The following BAHCC1 variants were observed in gnomAD, a reference collection of about 807,000 sequenced individuals.
The protein encoded by BAHCC1 is BAH domain and coiled-coil containing 1.
In BAHCC1, 43 loss-of-function variants were observed where a neutral mutation model predicts 88.2. The ratio of observed to expected loss-of-function variants is 0.49; its 90% CI spans 0.38 to 0.63. BAHCC1 has a LOEUF of 0.63. BAHCC1 is among the 20% of genes least tolerant of loss of function. The probability of loss-of-function intolerance (pLI) is 0.00; values close to 1 mark genes in which losing one functional copy is unlikely to be tolerated. For synonymous variants in BAHCC1, 1,510 were observed against 745.5 expected, an observed-to-expected ratio of 2.03 and a Z score of -16.71; for missense variants, 3,023 against 1,654.8, an observed-to-expected ratio of 1.83 and a Z score of -14.34.
chr17:81,395,724 T>C (rs2063740114), intron 1 of BAHCC1, 89 bp downstream of exon 1: 1 of 151,964 alleles, frequency 6.6e-6, no homozygotes, highest in Non-Finnish European at 1.5e-5. Flanking sequence ...GGTTTTACAT[T>C]TTTTTTAGCA....
chr17:81,446,574 T>G (rs1555654402), intron 10 of BAHCC1, among the ~76,000 whole-genome samples: 3 of 114,530 alleles, frequency 2.6e-5, no homozygotes, highest in East Asian at 3.0e-4. Flanking sequence ...TGAGACAGGG[T>G]ATCTCCCTAT....
At chr17:81,454,883 C>A (rs2064718202) in intron 14 of BAHCC1, among the ~76,000 whole-genome samples, 1 of 152,218 alleles carries the variant, frequency 6.6e-6, no homozygotes, top group African/African-American at 2.4e-5. Context: ...CAGCCCCCGA[C>A]ACCTGGCCTC....
chr17:81,398,830 A>G, intron 1 of BAHCC1, among the ~76,000 whole-genome samples: 1 of 150,284 alleles, frequency 6.7e-6, no homozygotes, highest in African/African-American at 2.5e-5. Context: ...TGGGGACAGG[A>G]GCTGGTCCCG....
intron 2 of BAHCC1, among the ~76,000 whole-genome samples, chr17:81,426,142 A>T (rs1486846258): frequency 1.5e-5 from 1 of 68,710 alleles, no homozygotes; most frequent in South Asian, 5.0e-4. Flanking sequence ...TGGTGGTGAT[A>T]GTGGTGGGTG....
chr17:81,453,634 G>A (rs557625731), intron 14 of BAHCC1, among the ~76,000 whole-genome samples: 2 of 151,270 alleles, frequency 1.3e-5, no homozygotes, highest in Admixed American at 1.3e-4. Flanking sequence ...GTGTCTCCTG[G>A]GGGGGGGTCT....
chr17:81,399,906 C>G lies in BAHCC1; in HGVS notation c.167C>G (p.Ala56Gly). 1 of 1,445,914 alleles carries G rather than the reference C, an allele frequency of 6.9e-7. No homozygotes were observed. Among genetic ancestry groups the G allele is most frequent in the Non-Finnish European group, 9.1e-7 (1 of 1,096,412 alleles). The allele number at this position is 1,445,914 out of a possible 1,614,324, so 89.6% of individuals were successfully genotyped here. ...GKYFPSPLPM[A>G]SHTASSRLMG... ...TACTTCCCGTCGCCGTTGCCCATGG[C>G]TTCGCACACAGGTCAGTGCTCGGCC... The change falls in exon 2 of 28, where the codon GCT becomes GGT. Residue 56 changes from alanine to glycine, a missense_variant. Coordinates refer to ENST00000675386, the MANE Select transcript of BAHCC1 (RefSeq NM_001377448.1). This position sits in a 1 kb window ranked among gnomAD's most constrained non-coding sequence, Gnocchi z 4.5.
intron 15 of BAHCC1, 39 bp downstream of exon 15, chr17:81,455,429 A>G: frequency 1.4e-6 from 1 of 705,668 alleles, no homozygotes; most frequent in Non-Finnish European, 2.6e-6. Flanking sequence ...AGGGCCCTTC[A>G]GGTCCCTTCA....
intron 2 of BAHCC1, among the ~76,000 whole-genome samples, chr17:81,408,189 C>A (rs151128191): frequency 6.6e-6 from 1 of 152,328 alleles, no homozygotes; most frequent in Non-Finnish European, 1.5e-5. Flanking sequence ...AGGACATTCC[C>A]GTCAAGATCA....
At position 81,453,571 on chromosome 17, in the gene BAHCC1, G is replaced by A. The variant is rs1481862037; in HGVS notation, c.4445+720G>A. ...GAGGGGCTGTGTGGCTGTGGGCAGT[G>A]GAGGGGTCACCATATGGCTGCCCCC... On this transcript the variant is annotated intron_variant, in intron 14 of 27. Coordinates refer to ENST00000675386, the MANE Select transcript of BAHCC1 (RefSeq NM_001377448.1). Among the ~76,000 whole-genome samples, 5 of 150,032 alleles carry A rather than the reference G, an allele frequency of 3.3e-5. No individual in the cohort carries two copies. In the East Asian group the frequency reaches 9.7e-4, roughly 29 times the overall value.
chr17:81,404,553 G>C (rs371900371), intron 2 of BAHCC1, among the ~76,000 whole-genome samples: 1 of 152,336 alleles, frequency 6.6e-6, no homozygotes, highest in African/African-American at 2.4e-5. Context: ...CAGGAGGCTG[G>C]AGGAGGATGG....
intron 11 of BAHCC1, among the ~76,000 whole-genome samples, chr17:81,448,735 C>T (rs1450820862): frequency 5.9e-5 from 9 of 152,194 alleles, no homozygotes; most frequent in South Asian, 2.1e-4. Flanking sequence ...GCTGCTGGCC[C>T]GCACGCGGCA....
chr17:81,399,961 A>G lies in BAHCC1; in HGVS notation c.178+44A>G. 2 of 1,284,866 alleles carry G rather than the reference A, an allele frequency of 1.6e-6. No homozygotes were observed. The highest frequency in any genetic ancestry group is 4.3e-5 in the South Asian group (2 of 46,462). 79.6% of individuals were successfully genotyped at this position (1,284,866 alleles called of 1,614,324 possible). On this transcript the variant is annotated intron_variant, in intron 2 of 27. Coordinates refer to ENST00000675386, the MANE Select transcript of BAHCC1 (RefSeq NM_001377448.1). This position sits in a 1 kb window ranked among gnomAD's most constrained non-coding sequence, Gnocchi z 4.5. ...CGGGCGCGGGACGGGAGCGTTCGAGAGCGGAACAGGGCGCCCACCCCTCCG... is the reference window on the plus strand; with the variant it reads ...CGGGCGCGGGACGGGAGCGTTCGAGGGCGGAACAGGGCGCCCACCCCTCCG...
chr17:81,400,181 C>A (rs1490964959), intron 2 of BAHCC1, among the ~76,000 whole-genome samples: 1 of 152,160 alleles, frequency 6.6e-6, no homozygotes, highest in Non-Finnish European at 1.5e-5. Flanking sequence ...AAAGCCTTTC[C>A]GCGCCTCGCC....
chr17:81,425,671 A>AG (rs2064180460), intron 2 of BAHCC1, among the ~76,000 whole-genome samples: 1 of 7,652 alleles, frequency 1.3e-4, no homozygotes. Context: ...GTTGGTGGTG[A>AG]TGGTGGGTGA....
At chr17:81,408,125 G>A (rs542129987) in intron 2 of BAHCC1, among the ~76,000 whole-genome samples, 7 of 152,292 alleles carry the variant, frequency 4.6e-5, no homozygotes, top group East Asian at 1.9e-4. Flanking sequence ...CCGTGTCCTC[G>A]GGCTCCAGCT....
rs781895776 is a variant in BAHCC1, at chr17:81,456,454, G to C, written c.4727G>C (p.Arg1576Pro). 2.8e-6 allele frequency: 2 copies of C among 722,200 alleles called. No individual in the cohort carries two copies. Among genetic ancestry groups the C allele is most frequent in the Non-Finnish European group, 5.2e-6 (2 of 388,016 alleles). The allele number at this position is 722,200 out of a possible 1,614,324, so 44.7% of individuals were successfully genotyped here. Residue 1576 changes from arginine (R) to proline (P), a missense_variant, in exon 16 of 28, where the codon CGG (arginine) becomes CCG (proline). Physicochemically the swap from Arg to Pro is moderately radical, Grantham distance 103. Transcript: ENST00000675386. ...QKEATPGGRI[R>P]EKLSRAKSAK... Reference sequence around the variant, plus strand: ...GAGGCTACCCCCGGGGGGCGCATCCGGGAGAAGCTGTCCCGAGCCAAGAGT... The same window carrying C: ...GAGGCTACCCCCGGGGGGCGCATCCCGGAGAAGCTGTCCCGAGCCAAGAGT...
chr17:81,457,325 C>A, intron 16 of BAHCC1, 85 bp from the exon 17 acceptor site: 1 of 681,484 alleles, frequency 1.5e-6, no homozygotes, highest in Non-Finnish European at 2.7e-6. Context: ...CCCGCCATAA[C>A]CGCATGCCCA....
intron 14 of BAHCC1, among the ~76,000 whole-genome samples, chr17:81,453,435 G>C (rs1555656421): frequency 1.3e-5 from 2 of 152,260 alleles, no homozygotes; most frequent in African/African-American, 4.8e-5. Context: ...CTGATGATTT[G>C]GTAATAATAG....
chr17:81,402,390 C>T (rs1278090326), intron 2 of BAHCC1: 1 of 152,170 alleles, frequency 6.6e-6, no homozygotes, highest in African/African-American at 2.4e-5. Flanking sequence ...AATTATACCC[C>T]AGATCACTTT....
Sources: gnomAD v4.1 joint callset for allele counts (sites outside exome capture counted in the v4.1 genomes callset) on GRCh38, gnomAD v4.1.1 for gene constraint, Gnocchi (gnomAD v3.1) non-coding constraint, MANE v1.5 for transcripts, NCBI Gene and HGNC (gene_info 2026-07-23, HGNC 2026-07-21) for gene names.